The following FARP2 variants were observed in gnomAD, a reference collection of about 807,000 sequenced individuals.
FARP2 encodes the protein FERM, ARH/RhoGEF and pleckstrin domain protein 2, also known as FERM, ARHGEF and pleckstrin domain-containing protein 2.
A neutral mutation model predicts 130.5 loss-of-function variants in FARP2; 111 were observed. The observed-to-expected ratio is 0.85, with a 90% CI of 0.73 to 1.00. The LOEUF is 1.00. FARP2 is among the 50% of genes least tolerant of loss of function. The probability of loss-of-function intolerance (pLI) is 0.00; values close to 1 mark genes in which losing one functional copy is unlikely to be tolerated. For synonymous variants in FARP2, 504 were observed against 516.9 expected (o/e 0.98, Z 0.34); for missense variants, 1,385 against 1,346.3 (o/e 1.03, Z -0.45).
chr2:241,418,022 G>A lies in FARP2; in HGVS notation c.684G>A (p.Met228Ile). 1.2e-6 allele frequency: 2 copies of A among 1,614,188 alleles called. No individual in the cohort carries two copies. The highest frequency in any genetic ancestry group is 1.7e-6 in the Non-Finnish European group (2 of 1,180,044). The change falls in exon 8 of 27, where the codon ATG becomes ATA. Residue 228 changes from methionine to isoleucine, a missense_variant. By Grantham distance (10) the Met-to-Ile change is conservative (BLOSUM62 1). Transcript: ENST00000264042. The part of the protein sequence containing the change: ...QVLEIARKLE[M>I]YGIRFHMASD... ...TCGAAATTGCTCGAAAGTTGGAAAT[G>A]TACGGCATCAGATTTCACATGGCTT...
At chr2:241,409,963 G>T (rs2062472410) in intron 5 of FARP2, among the ~76,000 whole-genome samples, 1 of 152,110 alleles carries the variant, frequency 6.6e-6, no homozygotes, top group South Asian at 2.1e-4. Flanking sequence ...GTGTTAAAGG[G>T]TATGTACATC....
rs994218805 is a variant in FARP2 at position 241,483,889 on chromosome 2, G to A, written c.2332-353G>A. 7 of 985,344 alleles carry A rather than the reference G, an allele frequency of 7.1e-6. No homozygotes were observed. The Admixed American group carries it at 1.8e-4, about 26-fold the overall frequency. The allele number at this position is 985,344 out of a possible 1,614,324, so 61.0% of individuals were successfully genotyped here. ...GCCAGTCGGGACAGTTTCACTGTTGGCTCAGAAGCCCCTCCCAGCATGTCC... is the reference window on the plus strand; with the variant it reads ...GCCAGTCGGGACAGTTTCACTGTTGACTCAGAAGCCCCTCCCAGCATGTCC... On this transcript the variant is annotated intron_variant, in intron 20 of 26. Coordinates refer to ENST00000264042, the MANE Select transcript of FARP2 (RefSeq NM_014808.4).
chr2:241,489,790 C>T (rs1029405839), intron 21 of FARP2, 172 bp from the exon 22 acceptor site: 20 of 558,700 alleles, frequency 3.6e-5, no homozygotes, highest in Non-Finnish European at 5.2e-5. Flanking sequence ...GCTGCCATGG[C>T]GCAGGGATAC....
intron 2 of FARP2, among the ~76,000 whole-genome samples, chr2:241,401,821 C>T (rs538664223): frequency 5.8e-5 from 8 of 138,244 alleles, no homozygotes; most frequent in Admixed American, 4.5e-4. Context: ...TTTCGCTCGT[C>T]GCCCAGGCTG....
At position 241,482,367 on chromosome 2, in the gene FARP2, C is replaced by T. The variant is rs1434883986; in HGVS notation, c.2263-1098C>T. 6.6e-6 allele frequency among the ~76,000 whole-genome samples: 1 copy of T among 152,162 alleles called. No individual in the cohort carries two copies. Among genetic ancestry groups the T allele is most frequent in the African/African-American group, 2.4e-5 (1 of 41,430 alleles). ...GCTGCTGCTTAGCCAGTGCTGGGGT[C>T]TCTGAGGGTGATGCTGCTACCTGTG... On this transcript the variant is annotated intron_variant, in intron 19 of 26. Coordinates refer to ENST00000264042, the MANE Select transcript of FARP2 (RefSeq NM_014808.4). The surrounding 1 kb of genome is among the most constrained non-coding windows in gnomAD (Gnocchi z 4.6).
intron 1 of FARP2, among the ~76,000 whole-genome samples, chr2:241,358,645 T>A (rs111468190): frequency 5.9e-5 from 9 of 152,210 alleles, no homozygotes; most frequent in African/African-American, 2.2e-4. Context: ...CTTTACTCAG[T>A]GCGTCATGAG....
chr2:241,428,981 C>A (rs2063026479), intron 8 of FARP2, among the ~76,000 whole-genome samples: 1 of 152,132 alleles, frequency 6.6e-6, no homozygotes, highest in African/African-American at 2.4e-5. Context: ...TGTTTTACTC[C>A]TTATGGCTAA....
Position 241,489,944 on chromosome 2 carries a change from C to T in FARP2, c.2422-18C>T, listed in dbSNP as rs374411765. 10 of 1,570,336 alleles carry T rather than the reference C, an allele frequency of 6.4e-6. No homozygotes were observed. The highest frequency in any genetic ancestry group is 2.2e-5 in the South Asian group (2 of 90,192). On this transcript the variant is annotated intron_variant, in intron 21 of 26. Transcript: ENST00000264042. ...TCCTTCTTGGCCACAAGACTTGGAC[C>T]GTTTCTCCCACCCACAGGTGGAAGA...
chr2:241,476,139 G>A, intron 19 of FARP2, 152 bp downstream of exon 19: 1 of 595,446 alleles, frequency 1.7e-6, no homozygotes, highest in South Asian at 2.2e-5. Flanking sequence ...TTGGGAGGCT[G>A]AGGTGGGAGG....
At chr2:241,372,917 AG>A in intron 1 of FARP2, 166 bp from the exon 2 acceptor site, 1 of 378,258 alleles carries the variant, frequency 2.6e-6, no homozygotes, top group Non-Finnish European at 4.7e-6. Flanking sequence ...GTGCCTGAGT[AG>A]AAAATAATCT....
intron 2 of FARP2, among the ~76,000 whole-genome samples, chr2:241,396,243 C>T (rs1271916919): frequency 6.6e-6 from 1 of 152,046 alleles, no homozygotes; most frequent in Admixed American, 6.6e-5. Flanking sequence ...AGAAGAAAAC[C>T]TAGGCATTAC....
chr2:241,473,295 G>A (rs1382774257), intron 18 of FARP2, among the ~76,000 whole-genome samples: 3 of 151,796 alleles, frequency 2.0e-5, no homozygotes, highest in Admixed American at 1.3e-4. Flanking sequence ...TTCTGAGTGA[G>A]ATGCTGTTCT....
chr2:241,369,296 AAC>A (rs1022636153), intron 1 of FARP2, among the ~76,000 whole-genome samples: 4 of 152,130 alleles, frequency 2.6e-5, no homozygotes, highest in African/African-American at 4.8e-5. Flanking sequence ...TTATAAAATA[AAC>A]ACACATAAAA....
intron 23 of FARP2, 152 bp downstream of exon 23, chr2:241,491,331 G>A (rs576560535): frequency 5.6e-5 from 48 of 850,582 alleles, no homozygotes; most frequent in South Asian, 3.0e-4. Context: ...ATGCCTGGGC[G>A]GGAAGAGGTG....
intron 17 of FARP2, chr2:241,465,926 C>T (rs1340349903): frequency 1.3e-5 from 19 of 1,423,060 alleles, no homozygotes; most frequent in Non-Finnish European, 1.6e-5. Flanking sequence ...CCTTTTCCTG[C>T]CTCGACGGAA....
intron 8 of FARP2, among the ~76,000 whole-genome samples, chr2:241,420,895 G>A (rs536574403): frequency 1.3e-5 from 2 of 152,324 alleles, no homozygotes; most frequent in Admixed American, 1.3e-4. Flanking sequence ...CAAGATGGCT[G>A]ATTAGAAGCA....
At chr2:241,393,487 G>T (rs2061958600) in intron 2 of FARP2, among the ~76,000 whole-genome samples, 1 of 152,138 alleles carries the variant, frequency 6.6e-6, no homozygotes, top group Non-Finnish European at 1.5e-5. Flanking sequence ...GAGCGCTCAA[G>T]ATTATTTTCA....
At chr2:241,366,125 A>ATATATACACATATATATATATATACG (rs2061309790) in intron 1 of FARP2, among the ~76,000 whole-genome samples, 4 of 67,368 alleles carry the variant, frequency 5.9e-5, no homozygotes, top group Admixed American at 4.1e-4. Context: ...ATATATACGT[A>ATATATACACATATATATATATATACG]TATATATATA....
At chr2:241,476,170 C>G (rs1207319637) in intron 19 of FARP2, among the ~76,000 whole-genome samples, 183 bp downstream of exon 19, 2 of 140,768 alleles carry the variant, frequency 1.4e-5, no homozygotes, top group African/African-American at 5.4e-5. Context: ...CCCAGGAGTT[C>G]AAGACCAGAC....
Sources: allele counts gnomAD v4.1 joint callset (sites outside exome capture counted in the v4.1 genomes callset), GRCh38; gene constraint gnomAD v4.1.1; non-coding constraint Gnocchi (gnomAD v3.1); transcripts MANE v1.5; gene names NCBI Gene and HGNC (gene_info 2026-07-23, HGNC 2026-07-21).